SV2C: variants seen among roughly 807,000 people sequenced by gnomAD.
SV2C encodes solute carrier family 22 member B3.
SV2C carries 49 observed loss-of-function variants against 79.7 expected under a neutral mutation model. The observed-to-expected ratio is 0.61, with a 90% CI of 0.49 to 0.78. The LOEUF is 0.78. Ranked by LOEUF, SV2C falls within the 30% of genes least tolerant of loss-of-function variation. The probability of loss-of-function intolerance (pLI) is 0.00; values close to 1 mark genes in which losing one functional copy is unlikely to be tolerated. For missense variants in SV2C, 833 were observed against 912.9 expected, an observed-to-expected ratio of 0.91 and a Z score of 1.13; for synonymous variants, 334 against 333.2, an observed-to-expected ratio of 1.00 and a Z score of -0.03.
At chr5:76,180,327 TAAG>T (rs1421544136) in intron 2 of SV2C, among the ~76,000 whole-genome samples, 2 of 152,220 alleles carry the variant, frequency 1.3e-5, no homozygotes, top group African/African-American at 4.8e-5. Flanking sequence ...TGCTTAAACT[TAAG>T]AAGATTAATA....
intron 4 of SV2C, among the ~76,000 whole-genome samples, chr5:76,219,715 T>A (rs895217434): frequency 6.6e-6 from 1 of 152,194 alleles, no homozygotes; most frequent in Non-Finnish European, 1.5e-5. Context: ...ATTTACTTTC[T>A]TGAGAGATTG....
chr5:76,161,832 T>G (rs193028057), intron 2 of SV2C, among the ~76,000 whole-genome samples: 1 of 152,304 alleles, frequency 6.6e-6, no homozygotes, highest in African/African-American at 2.4e-5. Flanking sequence ...ATTGACTGCT[T>G]GTGTTGTAAA....
chr5:76,325,793 C>A lies in SV2C; in HGVS notation c.*246C>A. ...TCCAAACTGTGATGCTACTGCCTCC[C>A]GCAAATCAGTGGAAGCATTTCTAAA... On this transcript the variant is annotated 3_prime_UTR_variant, in exon 13 of 13. Coordinates refer to ENST00000502798, the MANE Select transcript of SV2C (RefSeq NM_014979.4). 2.3e-6 allele frequency: 1 copy of A among 428,712 alleles called. No homozygotes were observed. The highest frequency in any genetic ancestry group is 3.9e-6 in the Non-Finnish European group (1 of 253,946). 26.6% of individuals were successfully genotyped at this position (428,712 alleles called of 1,614,324 possible).
At chr5:76,037,974 C>T in the SV2C span, among the ~76,000 whole-genome samples, 13 of 152,300 alleles carry the variant, frequency 8.5e-5, no homozygotes, top group African/African-American at 2.2e-4. Flanking sequence ...GTCGGAAAAG[C>T]GCAGTATTAG....
intron 4 of SV2C, among the ~76,000 whole-genome samples, chr5:76,274,683 T>C (rs1215181505): frequency 2.3e-5 from 2 of 86,368 alleles, no homozygotes; most frequent in Non-Finnish European, 4.8e-5. Flanking sequence ...TTTTTCTCCT[T>C]CTTTTTTTTT....
chr5:76,233,446 A>C (rs1377357309), intron 4 of SV2C, among the ~76,000 whole-genome samples: 36 of 138,892 alleles, frequency 2.6e-4, no homozygotes, highest in Admixed American at 4.1e-4. Context: ...TCTCCTGCCT[A>C]ATTGCCCTGG....
chr5:75,936,254 A>G, the SV2C span, among the ~76,000 whole-genome samples: 1 of 152,146 alleles, frequency 6.6e-6, no homozygotes. Context: ...ACACATCTGC[A>G]CAATTCTCCT....
intron 2 of SV2C, among the ~76,000 whole-genome samples, chr5:76,133,315 A>T (rs79003998): frequency 6.6e-6 from 1 of 152,252 alleles, no homozygotes; most frequent in African/African-American, 2.4e-5. Context: ...CTTAGTATCT[A>T]TGTTTCCAAG....
At chr5:76,236,994 A>C (rs184472222) in intron 4 of SV2C, among the ~76,000 whole-genome samples, 14 of 151,830 alleles carry the variant, frequency 9.2e-5, no homozygotes, top group African/African-American at 3.4e-4. Flanking sequence ...GCTTGCACTC[A>C]CTCCGTCCTG....
chr5:75,998,195 G>A, the SV2C span, among the ~76,000 whole-genome samples: 3 of 152,132 alleles, frequency 2.0e-5, no homozygotes, highest in Non-Finnish European at 2.9e-5. Flanking sequence ...CTGATACGGG[G>A]TGGGAGGAAG....
chr5:76,014,750 GCTTAA>G, the SV2C span, among the ~76,000 whole-genome samples: 1 of 152,076 alleles, frequency 6.6e-6, no homozygotes, highest in African/African-American at 2.4e-5. Context: ...TACTTGATCA[GCTTAA>G]CTTAAGGTGC....
At chr5:76,004,956 G>A in the SV2C span, among the ~76,000 whole-genome samples, 1 of 152,158 alleles carries the variant, frequency 6.6e-6, no homozygotes, top group African/African-American at 2.4e-5. Flanking sequence ...CCTTGTCAGA[G>A]GGCCTGAGGA....
the SV2C span, among the ~76,000 whole-genome samples, chr5:75,909,439 C>T: frequency 6.6e-6 from 1 of 152,304 alleles, no homozygotes; most frequent in East Asian, 1.9e-4. Flanking sequence ...AGCTGCTGGG[C>T]ACACACTTTT....
exon 13 of SV2C, chr5:76,353,916 T>C (rs1236147532): frequency 6.6e-6 from 1 of 152,236 alleles, no homozygotes; most frequent in Non-Finnish European, 1.5e-5. Flanking sequence ...GTCCATTTCA[T>C]GGGAATAAAG....
rs146781191 is a variant in SV2C, at chr5:76,185,610, T to G, written c.581-9309T>G. 4.7e-3 allele frequency among the ~76,000 whole-genome samples: 719 copies of G among 152,356 alleles called. 9 individuals are homozygous for G. The highest frequency in any genetic ancestry group is 0.027 in the South Asian group (129 of 4,824). On this transcript the variant is annotated intron_variant, in intron 2 of 12. Coordinates refer to ENST00000502798, the MANE Select transcript of SV2C (RefSeq NM_014979.4). Reference sequence around the variant, plus strand: ...TTGGGGCTTGCACTCTCTGAAGCAATAGCCTGAGCTATAATCTGGACTCTT... The same window carrying G: ...TTGGGGCTTGCACTCTCTGAAGCAAGAGCCTGAGCTATAATCTGGACTCTT...
At chr5:76,036,596 A>G in the SV2C span, among the ~76,000 whole-genome samples, 1 of 152,150 alleles carries the variant, frequency 6.6e-6, no homozygotes, top group Non-Finnish European at 1.5e-5. Context: ...GGCATGTAGA[A>G]TTTCTGCCGA....
intron 1 of SV2C, among the ~76,000 whole-genome samples, chr5:76,118,682 AT>A (rs201825626): frequency 0.022 from 3,370 of 152,258 alleles, 134 homozygotes; most frequent in African/African-American, 0.078. Context: ...GATATTATAT[AT>A]TAAAAAAATC....
chr5:76,320,531 C>A (rs187326192), intron 12 of SV2C, among the ~76,000 whole-genome samples: 1 of 152,160 alleles, frequency 6.6e-6, no homozygotes, highest in African/African-American at 2.4e-5. Context: ...TAAGAGAACT[C>A]TACTTTTTGT....
In SV2C at chr5:76,212,125, G is replaced by A. The variant is rs12659872; in HGVS notation, c.913+2238G>A. On this transcript the variant is annotated intron_variant, in intron 4 of 12. Transcript: ENST00000502798. ...TTTTTTTTTTAATTTGAGATCTCAG[G>A]ACCTCAGCCACCCTCAGAACCTTCC... Among the ~76,000 whole-genome samples the A allele has an allele frequency of 2.1e-3, 312 of 151,892 alleles. 12 individuals are homozygous for A. The East Asian group carries it at 0.058, about 28-fold the overall frequency.
Sources: gnomAD v4.1 joint callset for allele counts (sites outside exome capture counted in the v4.1 genomes callset) on GRCh38, gnomAD v4.1.1 for gene constraint, MANE v1.5 for transcripts, NCBI Gene and HGNC (gene_info 2026-07-23, HGNC 2026-07-21) for gene names.